SLC30A7: variants seen among roughly 807,000 people sequenced by gnomAD.
The protein encoded by SLC30A7 is zinc transporter 7.
In SLC30A7, 35 loss-of-function variants were observed where a neutral mutation model predicts 46.0. That is an observed-to-expected ratio of 0.76 (90% confidence interval 0.58 to 1.01). The LOEUF (loss-of-function observed/expected upper bound fraction) is 1.01, where lower values mean the gene tolerates loss of function less well. Among genes scored for constraint, SLC30A7 ranks in the 50% least tolerant of loss-of-function variants. The pLI is 0.00. For synonymous variants in SLC30A7, 147 were observed against 157.8 expected (o/e 0.93, Z 0.51); for missense variants, 464 against 451.1 (o/e 1.03, Z -0.26).
At chr1:100,946,110 G>T in intron 8 of SLC30A7, among the ~76,000 whole-genome samples, 1 of 152,196 alleles carries the variant, frequency 6.6e-6, no homozygotes, top group Non-Finnish European at 1.5e-5. Flanking sequence ...GTATAGGAAT[G>T]CTTGTGATTT....
chr1:100,961,629 C>G (rs1482024300), intron 8 of SLC30A7, among the ~76,000 whole-genome samples, 199 bp from the exon 9 acceptor site: 1 of 152,146 alleles, frequency 6.6e-6, no homozygotes, highest in African/African-American at 2.4e-5. Flanking sequence ...AATACATTTT[C>G]TCTAGCTCTT....
At position 100,979,436 on chromosome 1, in the gene SLC30A7, C is replaced by CAAAAAAAAAAA. The variant is rs67182429; in HGVS notation, c.*4591_*4601dup. ...CAAATACAGTGAAAGATTATGTATC[C>CAAAAAAAAAAA]AAAAAAAAAAAAAAAAAAAAAAGAA... On this transcript the variant is annotated 3_prime_UTR_variant, in exon 11 of 11. Coordinates refer to ENST00000357650, the MANE Select transcript of SLC30A7 (RefSeq NM_133496.5). 1.1e-5 allele frequency: 1 copy of CAAAAAAAAAAA among 90,578 alleles called. No individual in the cohort carries two copies. The highest frequency in any genetic ancestry group is 4.1e-5 in the African/African-American group (1 of 24,604). The allele number at this position is 90,578 out of a possible 1,614,324, so 5.6% of individuals were successfully genotyped here.
intron 8 of SLC30A7, among the ~76,000 whole-genome samples, chr1:100,961,257 G>A (rs1219516790): frequency 6.6e-6 from 1 of 151,942 alleles, no homozygotes; most frequent in South Asian, 2.1e-4. Context: ...CACCGCGCCC[G>A]GCCTGTTTTG....
intron 2 of SLC30A7, among the ~76,000 whole-genome samples, chr1:100,901,736 A>T (rs753205638): frequency 1.3e-5 from 2 of 152,156 alleles, no homozygotes; most frequent in South Asian, 4.1e-4. Flanking sequence ...GAGCCACTGC[A>T]CCCGGCTGGT....
intron 3 of SLC30A7, among the ~76,000 whole-genome samples, chr1:100,908,173 G>A (rs1182255434): frequency 1.3e-5 from 2 of 151,414 alleles, no homozygotes; most frequent in African/African-American, 4.9e-5. Flanking sequence ...TTCATGTACT[G>A]TCTCTTAGGC....
intron 3 of SLC30A7, among the ~76,000 whole-genome samples, chr1:100,909,154 AT>A (rs1247323336): frequency 6.6e-6 from 1 of 151,988 alleles, no homozygotes; most frequent in East Asian, 1.9e-4. Context: ...AAGTAGCTTC[AT>A]TTGTAAACTA....
At chr1:100,902,774 C>T (rs895910563) in intron 2 of SLC30A7, among the ~76,000 whole-genome samples, 10 of 152,264 alleles carry the variant, frequency 6.6e-5, no homozygotes, top group African/African-American at 2.2e-4. Flanking sequence ...TTTATAAGGA[C>T]ACTGGATGAG....
At chr1:100,921,580 G>A (rs189547107) in intron 7 of SLC30A7, 126 bp from the exon 8 acceptor site, 13 of 650,016 alleles carry the variant, frequency 2.0e-5, no homozygotes, top group Admixed American at 3.1e-5. Flanking sequence ...GAATATACAT[G>A]CTTACTTATT....
At chr1:100,930,427 T>G (rs1426738934) in intron 8 of SLC30A7, among the ~76,000 whole-genome samples, 1 of 152,054 alleles carries the variant, frequency 6.6e-6, no homozygotes, top group Non-Finnish European at 1.5e-5. Context: ...GAAACAAAAT[T>G]ATAAACTTGA....
At chr1:100,937,317 G>T (rs115673403) in intron 8 of SLC30A7, among the ~76,000 whole-genome samples, 3,456 of 152,150 alleles carry the variant, frequency 0.023, 122 homozygotes, top group African/African-American at 0.075. Context: ...GGATCATATG[G>T]TAATTCTGTT....
chr1:100,954,899 T>C (rs999758581), intron 8 of SLC30A7, among the ~76,000 whole-genome samples: 1 of 152,078 alleles, frequency 6.6e-6, no homozygotes, highest in African/African-American at 2.4e-5. Flanking sequence ...CCTGAAAATA[T>C]GATATACAAC....
intron 8 of SLC30A7, among the ~76,000 whole-genome samples, chr1:100,932,498 A>G (rs1181168182): frequency 6.6e-6 from 1 of 152,228 alleles, no homozygotes; most frequent in African/African-American, 2.4e-5. Flanking sequence ...AGCATGAAAA[A>G]TAGAAATGTG....
chr1:100,991,794 A>C, the SLC30A7 span, among the ~76,000 whole-genome samples: 129 of 151,432 alleles, frequency 8.5e-4, 1 homozygote, highest in Non-Finnish European at 1.5e-3. Flanking sequence ...ATCTCAAAAA[A>C]AAAAAAAAAG....
At chr1:100,938,382 GTTTT>G (rs930808110) in intron 8 of SLC30A7, among the ~76,000 whole-genome samples, 1 of 152,062 alleles carries the variant, frequency 6.6e-6, no homozygotes, top group Non-Finnish European at 1.5e-5. Context: ...AGAATTAACT[GTTTT>G]TTTATTTTGT....
chr1:100,941,758 T>C, intron 8 of SLC30A7: 1 of 631,044 alleles, frequency 1.6e-6, no homozygotes, highest in Non-Finnish European at 3.0e-6. Context: ...TGCATCTACC[T>C]CCTCCACAGT....
chr1:100,947,917 C>G (rs1005369862), intron 8 of SLC30A7, among the ~76,000 whole-genome samples: 1 of 152,156 alleles, frequency 6.6e-6, no homozygotes, highest in Non-Finnish European at 1.5e-5. Flanking sequence ...CTTCCTCCAT[C>G]CCTTTACTTT....
chr1:100,970,566 T>G (rs1656099555), intron 10 of SLC30A7, among the ~76,000 whole-genome samples: 2 of 151,942 alleles, frequency 1.3e-5, no homozygotes, highest in Non-Finnish European at 2.9e-5. Context: ...AGGTTTTCTG[T>G]TGACATACAA....
chr1:100,940,022 A>G (rs966844056), intron 8 of SLC30A7, among the ~76,000 whole-genome samples: 1 of 152,194 alleles, frequency 6.6e-6, no homozygotes, highest in Non-Finnish European at 1.5e-5. Context: ...TAAATCCTGG[A>G]AAAGAAGATG....
chr1:100,929,717 T>G (rs187636279), intron 8 of SLC30A7, among the ~76,000 whole-genome samples: 12 of 146,988 alleles, frequency 8.2e-5, no homozygotes, highest in Non-Finnish European at 1.4e-4. Context: ...AAAAGACAGG[T>G]TTTTTTTTTT....
Sources: gnomAD v4.1 joint callset for allele counts (sites outside exome capture counted in the v4.1 genomes callset) on GRCh38, gnomAD v4.1.1 for gene constraint, MANE v1.5 for transcripts, NCBI Gene and HGNC (gene_info 2026-07-23, HGNC 2026-07-21) for gene names.